Variants in ITGA7 observed in about 807,000 individuals in gnomAD.
ITGA7 encodes the protein integrin alpha-7.
ITGA7 carries 84 observed loss-of-function variants against 131.6 expected under a neutral mutation model. The ratio of observed to expected loss-of-function variants is 0.64; its 90% confidence interval spans 0.54 to 0.77. ITGA7 has a LOEUF of 0.77. Among genes scored for constraint, ITGA7 ranks in the 30% least tolerant of loss-of-function variants. The probability of loss-of-function intolerance (pLI) is 0.00; values close to 1 mark genes in which losing one functional copy is unlikely to be tolerated. For missense variants in ITGA7, 1,399 were observed against 1,482.9 expected, an observed-to-expected ratio of 0.94 and a Z score of 0.93; for synonymous variants, 548 against 600.7, an observed-to-expected ratio of 0.91 and a Z score of 1.28.
In ITGA7 at chr12:55,701,563, G is replaced by A. The variant is rs115811755; in HGVS notation, c.415-409C>T. 9.0e-3 allele frequency: 6,804 copies of A among 752,174 alleles called. 169 individuals are homozygous for A. Among genetic ancestry groups the A allele is most frequent in the African/African-American group, 0.072 (4,054 of 56,144 alleles). The allele number at this position is 752,174 out of a possible 1,614,324, so 46.6% of individuals were successfully genotyped here. ...CTCATCTGCAAAGAACTTCCTGTCC[G>A]CTTCACTCTCCAAGTATTACTTTTT... On this transcript the variant is annotated intron_variant, in intron 3 of 24. Coordinates refer to ENST00000257879, the MANE Select transcript of ITGA7 (RefSeq NM_002206.3).
rs886049670 is a variant in ITGA7 at position 55,707,840 on chromosome 12, C to G, written c.-158G>C. 1.7e-4 allele frequency: 248 copies of G among 1,456,740 alleles called. No individual in the cohort carries two copies. In the South Asian group the frequency reaches 2.2e-3, roughly 13 times the overall value. The allele number at this position is 1,456,740 out of a possible 1,614,324, so 90.2% of individuals were successfully genotyped here. On this transcript the variant is annotated 5_prime_UTR_variant, in exon 1 of 25. Coordinates refer to ENST00000257879, the MANE Select transcript of ITGA7 (RefSeq NM_002206.3). ...CGCCAGCCCTCCCGCCCGCCCGCCG[C>G]TCCGCCACCCCGCCGCCCCAGCACC...
At chr12:55,716,379 G>T, upstream of ITGA7, 5 of 1,428,802 alleles carry the variant, frequency 3.5e-6, no homozygotes, top group East Asian at 2.6e-5. Context: ...AACTGGCTCC[G>T]GTCCCTTGGG....
chr12:55,699,936 T>C lies in ITGA7; in HGVS notation c.724A>G (p.Lys242Glu). The change falls in exon 5 of 25, where the codon AAA (lysine) becomes GAA (glutamate). Residue 242 changes from lysine to glutamate, a missense_variant. By Grantham distance (56) the Lys-to-Glu change is moderately conservative. Coordinates refer to ENST00000257879, the MANE Select transcript of ITGA7 (RefSeq NM_002206.3). The part of the protein sequence containing the change: ...DSSDPDQLVY[K>E]TLDPADRLPG... ...AGCCGGTCAGCAGGGTCCAAAGTTT[T>C]ATACACCAGCTGGTCGGGGTCTGAG... The C allele has an allele frequency of 6.2e-7, 1 of 1,614,058 alleles. No individual in the cohort carries two copies. The highest frequency in any genetic ancestry group is 8.5e-7 in the Non-Finnish European group (1 of 1,180,004).
In ITGA7 at chr12:55,701,107, C is replaced by T. The variant is rs1366755662; in HGVS notation, c.462G>A (p.Leu154=). 2.5e-6 allele frequency: 4 copies of T among 1,614,148 alleles called. No homozygotes were observed. The highest frequency in any genetic ancestry group is 3.4e-6 in the Non-Finnish European group (4 of 1,180,054). ...AGCGACCAATCATATCCCGCGTCTCCAGGATCTGGTCCACTCGCTGCCTTG... is the reference window on the plus strand; with the variant it reads ...AGCGACCAATCATATCCCGCGTCTCTAGGATCTGGTCCACTCGCTGCCTTG... ...YEARQRVDQI[L]ETRDMIGRCF... is the part of the protein sequence containing the mutation. The change falls in exon 4 of 25, where the codon CTG becomes CTA. Residue 154 remains leucine, a synonymous_variant. Transcript: ENST00000257879.
Position 55,688,267 on chromosome 12 carries a change from C to T in ITGA7, c.2992G>A (p.Val998Ile). 6.2e-7 allele frequency: 1 copy of T among 1,614,096 alleles called. No individual in the cohort carries two copies. Among genetic ancestry groups the T allele is most frequent in the South Asian group, 1.1e-5 (1 of 91,072 alleles). Residue 998 changes from valine to isoleucine, a missense_variant, in exon 23 of 25, where the codon GTC becomes ATC. Val to Ile is a conservative substitution (Grantham distance 29). Transcript: ENST00000257879. ...GACTTCACTGTGATGTTGGCCCGGA[C>T]AATCACTTCCAGGGACTTCACAGCT... Reference protein sequence around the residue: ...YSAVKSLEVIVRANITVKSSI... With the variant: ...YSAVKSLEVIIRANITVKSSI...
In ITGA7 at chr12:55,707,640, T is replaced by G; in HGVS notation, c.43A>C (p.Ile15Leu). 6.2e-7 allele frequency: 1 copy of G among 1,602,282 alleles called. No homozygotes were observed. Among genetic ancestry groups the G allele is most frequent in the Non-Finnish European group, 8.5e-7 (1 of 1,174,388 alleles). The change falls in exon 1 of 25, where the codon ATT (isoleucine) becomes CTT (leucine). Residue 15 changes from isoleucine (I) to leucine (L), a missense_variant. Ile to Leu is a conservative substitution (Grantham distance 5). Transcript: ENST00000257879. ...AGCAGGGAGCCAAAAAGGTAGCAAA[T>G]CCCGGAGGCCCCCCAAGGGTCGCGG... The part of the protein sequence containing the change: ...RSRDPWGASG[I>L]CYLFGSLLVE...
rs771929107 is a variant in ITGA7, at chr12:55,698,846, C to A, written c.862G>T (p.Ala288Ser). ...ELSFVAGAPRANHKGAVVILR... is the reference protein window; with the variant it reads ...ELSFVAGAPRSNHKGAVVILR... ...ATGACCACAGCACCCTTGTGGTTGGCGCGGGGGGCTCCAGCCACAAAGCTC... is the reference window on the plus strand; with the variant it reads ...ATGACCACAGCACCCTTGTGGTTGGAGCGGGGGGCTCCAGCCACAAAGCTC... Residue 288 changes from alanine (A) to serine (S), a missense_variant, in exon 6 of 25, where the codon GCC becomes TCC. Physicochemically the swap from Ala to Ser is moderately conservative, Grantham distance 99. Transcript: ENST00000257879. The A allele has an allele frequency of 1.9e-6, 3 of 1,613,434 alleles. No homozygotes were observed. In the East Asian group the frequency reaches 6.7e-5, roughly 36 times the overall value.
intron 21 of ITGA7, 31 bp from the exon 22 acceptor site, chr12:55,688,988 C>T: frequency 1.3e-6 from 2 of 1,566,348 alleles, no homozygotes; most frequent in Non-Finnish European, 1.8e-6. Flanking sequence ...GGGTCTAAGC[C>T]ACTCAGCTCA....
At chr12:55,715,905 C>T (rs1391121730), upstream of ITGA7, 2 of 1,023,044 alleles carry the variant, frequency 2.0e-6, no homozygotes, top group Non-Finnish European at 2.7e-6. Flanking sequence ...GAAAATACTT[C>T]TTCCAACACT....
intron 13 of ITGA7, 148 bp downstream of exon 13, chr12:55,696,135 G>T: frequency 1.2e-6 from 1 of 853,136 alleles, no homozygotes; most frequent in Non-Finnish European, 1.9e-6. Flanking sequence ...TAGGAACATG[G>T]TCATTTAGGC....
rs1452990047 is a variant in ITGA7 at position 55,699,968 on chromosome 12, A to G, written c.692T>C (p.Ile231Thr). 1.9e-6 allele frequency: 3 copies of G among 1,613,996 alleles called. No homozygotes were observed. The highest frequency in any genetic ancestry group is 1.1e-5 in the South Asian group (1 of 91,084). ...NWKGLLFVTN[I>T]DSSDPDQLVY... ...CAGCTGGTCGGGGTCTGAGCTATCA[A>G]TGTTGGTCACAAAAAGCAACCCTGT... The change falls in exon 5 of 25, where the codon ATT becomes ACT. Residue 231 changes from isoleucine to threonine, a missense_variant. Coordinates refer to ENST00000257879, the MANE Select transcript of ITGA7 (RefSeq NM_002206.3).
intron 4 of ITGA7, chr12:55,700,292 G>A (rs574390317): frequency 6.7e-5 from 108 of 1,608,876 alleles, no homozygotes; most frequent in Middle Eastern, 6.6e-4. Flanking sequence ...ACCGGGATGA[G>A]GCGGGGGTCC....
In ITGA7 at chr12:55,697,151, C is replaced by G. The variant is rs374530008; in HGVS notation, c.1567+65G>C. The G allele has an allele frequency of 2.5e-3, 3,907 of 1,574,992 alleles. 31 individuals carry two copies. The highest frequency in any genetic ancestry group is 2.9e-3 in the Non-Finnish European group (3,368 of 1,160,116). On this transcript the variant is annotated intron_variant, in intron 11 of 24. Transcript: ENST00000257879. Reference sequence around the variant, plus strand: ...CATTCCAAGGGTGCTCTTCTACCACCTCGAAGTGACCCCCCTCCCTGGGAA... The same window carrying G: ...CATTCCAAGGGTGCTCTTCTACCACGTCGAAGTGACCCCCCTCCCTGGGAA...
intron 21 of ITGA7, among the ~76,000 whole-genome samples, chr12:55,691,697 C>T (rs780616327): frequency 1.3e-5 from 2 of 152,314 alleles, no homozygotes; most frequent in African/African-American, 4.8e-5. Context: ...AAATCGGTCA[C>T]GTGGAGAAGG....
At position 55,701,259 on chromosome 12, in the gene ITGA7, T is replaced by TCACATGCACATG. The variant is rs373790389; in HGVS notation, c.415-117_415-106dup. 12,410 of 1,562,516 alleles carry TCACATGCACATG rather than the reference T, an allele frequency of 7.9e-3. 748 individuals are homozygous for TCACATGCACATG. In the African/African-American group the frequency reaches 0.14, roughly 17 times the overall value. ...TTGGCAGATACTGATACATGTGTGCTCACATGCACATGCACATGCACACAT... is the reference window on the plus strand; with the variant it reads ...TTGGCAGATACTGATACATGTGTGCTCACATGCACATGCACATGCACATGCACATGCACACAT... On this transcript the variant is annotated intron_variant, in intron 3 of 24. Transcript: ENST00000257879.
chr12:55,696,281 A>G lies in ITGA7; in HGVS notation c.1887+2T>C, dbSNP rs1324740221. The G allele has an allele frequency of 1.9e-6, 3 of 1,565,764 alleles. No homozygotes were observed. The highest frequency in any genetic ancestry group is 2.6e-6 in the Non-Finnish European group (3 of 1,155,508). On this transcript the variant is annotated splice_donor_variant, in intron 13 of 24. Transcript: ENST00000257879. LOFTEE classifies it high-confidence loss of function. ...CTGGGCTAAACCAGAACCCATGCTC[A>G]CCTCTGCCCGCTGGGTGCTGGGCTG... is the stretch of plus-strand genomic sequence containing the variant.
chr12:55,708,830 A>G (rs1428036882), upstream of ITGA7, among the ~76,000 whole-genome samples: 3 of 152,168 alleles, frequency 2.0e-5, no homozygotes, highest in East Asian at 5.8e-4. Context: ...CTGGCTCAGC[A>G]GGACCTGGGT....
In ITGA7 at chr12:55,698,462, G is replaced by C; in HGVS notation, c.1113C>G (p.Leu371=). The C allele has an allele frequency of 6.2e-7, 1 of 1,613,820 alleles. No individual in the cohort carries two copies. The highest frequency in any genetic ancestry group is 1.1e-5 in the South Asian group (1 of 91,066). ...TGGAGTCAGGGGAGCCGCAGAGCCG[G>C]AGAGGGGAGATCCCAGCCCAGTGAC... ...QGGHWAGISP[L]RLCGSPDSMF... is the part of the protein sequence containing the mutation. Residue 371 remains leucine, a synonymous_variant, in exon 7 of 25, where the codon CTC becomes CTG. Transcript: ENST00000257879.
chr12:55,689,084 T>C (rs1010920147), intron 21 of ITGA7, 127 bp from the exon 22 acceptor site: 2 of 699,682 alleles, frequency 2.9e-6, no homozygotes, highest in African/African-American at 3.5e-5. Context: ...ACTAATCTTA[T>C]ATCCAAAATA....
Sources: allele counts gnomAD v4.1 joint callset (sites outside exome capture counted in the v4.1 genomes callset), GRCh38; gene constraint gnomAD v4.1.1; transcripts MANE v1.5; gene names NCBI Gene and HGNC (gene_info 2026-07-23, HGNC 2026-07-21).